GCGR: variants seen among roughly 807,000 people sequenced by gnomAD.
GCGR encodes glucagon receptor.
Under a neutral mutation model 56.1 loss-of-function variants are expected in GCGR, and 41 were observed. The observed-to-expected ratio is 0.73, with a 90% CI of 0.57 to 0.95. The LOEUF is 0.95. Ranked by LOEUF, GCGR falls within the 40% of genes least tolerant of loss-of-function variation. GCGR has a pLI of 0.00. For synonymous variants in GCGR, 278 were observed against 271.1 expected, an observed-to-expected ratio of 1.03 and a Z score of -0.25; for missense variants, 595 against 638.2, an observed-to-expected ratio of 0.93 and a Z score of 0.73.
At chr17:81,809,722 CCTGT>C (rs1241277237) in intron 2 of GCGR, 56 bp from the exon 3 acceptor site, 176 of 1,328,398 alleles carry the variant, frequency 1.3e-4, no homozygotes, top group African/African-American at 1.2e-3. Context: ...TGTCTGTCTG[CCTGT>C]CTGTCTGCCT....
rs1386399028 is a variant in GCGR at position 81,811,158 on chromosome 17, G to A, written c.393+27G>A. ...TCAGTGGGCGGCAGGCAGGCGCGGTGGGGCTGGATGGGAACGGGCATGGGG... is the reference window on the plus strand; with the variant it reads ...TCAGTGGGCGGCAGGCAGGCGCGGTAGGGCTGGATGGGAACGGGCATGGGG... On this transcript the variant is annotated intron_variant, in intron 5 of 13. Transcript: ENST00000400723. This position sits in a 1 kb window ranked among gnomAD's most constrained non-coding sequence, Gnocchi z 5.8. The A allele has an allele frequency of 5.2e-6, 8 of 1,535,986 alleles. No individual in the cohort carries two copies. Among genetic ancestry groups the A allele is most frequent in the Non-Finnish European group, 6.1e-6 (7 of 1,146,788 alleles).
rs1201347339 is a variant in GCGR at position 81,804,841 on chromosome 17, C to T, written c.-178+592C>T. 1.3e-5 allele frequency among the ~76,000 whole-genome samples: 2 copies of T among 152,160 alleles called. No homozygotes were observed. The highest frequency in any genetic ancestry group is 4.8e-5 in the African/African-American group (2 of 41,448). On this transcript the variant is annotated intron_variant, in intron 1 of 13. Coordinates refer to ENST00000400723, the MANE Select transcript of GCGR (RefSeq NM_000160.5). This position sits in a 1 kb window ranked among gnomAD's most constrained non-coding sequence, Gnocchi z 8.2. ...CCCGGCTCCGGCCCCCCCGGCGCCC[C>T]ACCACCCGGCCGACTCGGCCACCGG...
Position 81,813,581 on chromosome 17 carries a change from C to T in GCGR, c.1326C>T (p.Gly442=), listed in dbSNP as rs577064153. The T allele has an allele frequency of 2.0e-6, 3 of 1,536,388 alleles. No individual in the cohort carries two copies. The highest frequency in any genetic ancestry group is 2.6e-6 in the Non-Finnish European group (3 of 1,146,856). Residue 442 remains glycine (G), a synonymous_variant, in exon 14 of 14, where the codon GGC becomes GGT. Transcript: ENST00000400723. The surrounding 1 kb of genome is among the most constrained non-coding windows in gnomAD (Gnocchi z 5.3). ...NHRASSSPGH[G]PPSKELQFGR... is the part of the protein sequence containing the mutation. ...GGGCCTCATCTTCGCCCGGCCACGG[C>T]CCTCCCAGCAAGGAGCTGCAGTTTG... is the stretch of plus-strand genomic sequence containing the variant.
In GCGR at chr17:81,804,218, G is replaced by A. The variant is rs950261107; in HGVS notation, c.-209G>A. The A allele has an allele frequency of 3.3e-5, 5 of 151,328 alleles. No individual in the cohort carries two copies. Among genetic ancestry groups the A allele is most frequent in the African/African-American group, 1.2e-4 (5 of 41,296 alleles). The allele number at this position is 151,328 out of a possible 1,614,324, so 9.4% of individuals were successfully genotyped here. On this transcript the variant is annotated 5_prime_UTR_variant, in exon 1 of 14. Coordinates refer to ENST00000400723, the MANE Select transcript of GCGR (RefSeq NM_000160.5). This position sits in a 1 kb window ranked among gnomAD's most constrained non-coding sequence, Gnocchi z 8.2. ...CCGAGCGCGCCCAGAGGACGGCGGG[G>A]AGCCAAGCCGACCCCCGAGCAGCGC...
chr17:81,809,163 C>CCTGCCTGT (rs1364744436), intron 2 of GCGR, 85 bp downstream of exon 2: 2 of 1,269,492 alleles, frequency 1.6e-6, no homozygotes, highest in Middle Eastern at 2.2e-4. Flanking sequence ...TGCCTGCCTG[C>CCTGCCTGT]CTGCCTGTCT....
Position 81,812,181 on chromosome 17 carries a change from A to G in GCGR, c.879-2A>G, listed in dbSNP as rs763839392. ...CAGTATGTGAGTGGCCTGGCCTCGC[A>G]GGTGCTGGACCAGCAATGACAACAT... On this transcript the variant is annotated splice_acceptor_variant, in intron 9 of 13. Coordinates refer to ENST00000400723, the MANE Select transcript of GCGR (RefSeq NM_000160.5). LOFTEE classifies it high-confidence loss of function. This position sits in a 1 kb window ranked among gnomAD's most constrained non-coding sequence, Gnocchi z 8.5. The G allele has an allele frequency of 1.3e-6, 2 of 1,536,154 alleles. No homozygotes were observed. Among genetic ancestry groups the G allele is most frequent in the South Asian group, 2.4e-5 (2 of 84,038 alleles).
chr17:81,810,106 A>T lies in GCGR; in HGVS notation c.163+222A>T, dbSNP rs1229030714. The T allele has an allele frequency of 1.6e-6, 1 of 611,376 alleles. No individual in the cohort carries two copies. The highest frequency in any genetic ancestry group is 3.0e-6 in the Non-Finnish European group (1 of 334,790). 37.9% of individuals were successfully genotyped at this position (611,376 alleles called of 1,614,324 possible). A position where few individuals can be genotyped will look rare whatever the true frequency, so the allele number is the denominator to read the frequency against. On this transcript the variant is annotated intron_variant, in intron 3 of 13. Coordinates refer to ENST00000400723, the MANE Select transcript of GCGR (RefSeq NM_000160.5). This position sits in a 1 kb window ranked among gnomAD's most constrained non-coding sequence, Gnocchi z 4.6. ...GGCCGCAGAGCCAGGAAATAACAGA[A>T]CGGTGGCATTGCCCCAGAACCGGCT...
chr17:81,808,438 G>C (rs376533600), intron 1 of GCGR, among the ~76,000 whole-genome samples: 1 of 151,730 alleles, frequency 6.6e-6, no homozygotes, highest in Non-Finnish European at 1.5e-5. Context: ...GGGGCTCTGC[G>C]ACCCTCAGAG....
At chr17:81,807,183 G>A (rs913621939) in intron 1 of GCGR, among the ~76,000 whole-genome samples, 7 of 152,270 alleles carry the variant, frequency 4.6e-5, no homozygotes, top group South Asian at 4.1e-4. Context: ...CCCGCCTGCC[G>A]CTGTCTCCGC....
At position 81,813,386 on chromosome 17, in the gene GCGR, G is replaced by C; in HGVS notation, c.1219-88G>C. 4 of 1,239,216 alleles carry C rather than the reference G, an allele frequency of 3.2e-6. No individual in the cohort carries two copies. Among genetic ancestry groups the C allele is most frequent in the Non-Finnish European group, 4.5e-6 (4 of 891,888 alleles). 76.8% of individuals were successfully genotyped at this position (1,239,216 alleles called of 1,614,324 possible). A position where few individuals can be genotyped will look rare whatever the true frequency, so the allele number is the denominator to read the frequency against. ...CTGCACCCCTCAGAGCGGAGACTGG[G>C]CATCTCCGATGAGGCCCACAGCAGG... On this transcript the variant is annotated intron_variant, in intron 13 of 13. Coordinates refer to ENST00000400723, the MANE Select transcript of GCGR (RefSeq NM_000160.5). This position sits in a 1 kb window ranked among gnomAD's most constrained non-coding sequence, Gnocchi z 5.3.
intron 2 of GCGR, among the ~76,000 whole-genome samples, chr17:81,809,430 TCTGCCTGTCCGTCTGC>T (rs2038037872): frequency 7.2e-6 from 1 of 138,680 alleles, no homozygotes; most frequent in South Asian, 2.5e-4. Context: ...TGCCTGTCCG[TCTGCCTGTCCGTCTGC>T]CTGCCTGCCT....
intron 2 of GCGR, 101 bp downstream of exon 2, chr17:81,809,179 C>CCTGTCTGTCTGT (rs567365898): frequency 3.6e-6 from 5 of 1,382,352 alleles, no homozygotes; most frequent in African/African-American, 1.4e-5. Flanking sequence ...TGTCTGCCTG[C>CCTGTCTGTCTGT]CTGTCTGTCT....
chr17:81,809,703 C>G, intron 2 of GCGR, 79 bp from the exon 3 acceptor site: 1 of 1,115,564 alleles, frequency 9.0e-7, no homozygotes, highest in South Asian at 1.4e-5. Context: ...ACCTGCCTGC[C>G]TGTCTGCCTG....
At position 81,813,946 on chromosome 17, in the gene GCGR, C is replaced by A. The variant is rs955995848; in HGVS notation, c.*257C>A. The A allele has an allele frequency of 3.7e-6, 2 of 544,142 alleles. No homozygotes were observed. Among genetic ancestry groups the A allele is most frequent in the Non-Finnish European group, 6.6e-6 (2 of 303,604 alleles). 33.7% of individuals were successfully genotyped at this position (544,142 alleles called of 1,614,324 possible). Reference sequence around the variant, plus strand: ...CGTGAACTGCGTGCCAGTGTCCCCACGTATGTCGGCACGTCCCATGTGCAT... The same window carrying A: ...CGTGAACTGCGTGCCAGTGTCCCCAAGTATGTCGGCACGTCCCATGTGCAT... On this transcript the variant is annotated 3_prime_UTR_variant, in exon 14 of 14. Coordinates refer to ENST00000400723, the MANE Select transcript of GCGR (RefSeq NM_000160.5). The surrounding 1 kb of genome is among the most constrained non-coding windows in gnomAD (Gnocchi z 5.3).
At chr17:81,809,319 T>TCCATCTGCCTATCCATCTGC (rs2038031491) in intron 2 of GCGR, among the ~76,000 whole-genome samples, 1 of 125,336 alleles carries the variant, frequency 8.0e-6, no homozygotes, top group Admixed American at 8.2e-5. Flanking sequence ...TGTCCATCTG[T>TCCATCTGCCTATCCATCTGC]CCATCTGCCT....
intron 1 of GCGR, among the ~76,000 whole-genome samples, chr17:81,807,162 C>G (rs2037981728): frequency 6.6e-6 from 1 of 152,202 alleles, no homozygotes; most frequent in East Asian, 1.9e-4. Context: ...AAAACTGCCC[C>G]TCCTCCCCCA....
Position 81,813,369 on chromosome 17 carries a change from C to G in GCGR, c.1219-105C>G, listed in dbSNP as rs1276541979. 1.8e-6 allele frequency: 2 copies of G among 1,125,098 alleles called. No homozygotes were observed. The highest frequency in any genetic ancestry group is 2.2e-5 in the Admixed American group (1 of 45,234). 69.7% of individuals were successfully genotyped at this position (1,125,098 alleles called of 1,614,324 possible). A position where few individuals can be genotyped will look rare whatever the true frequency, so the allele number is the denominator to read the frequency against. On this transcript the variant is annotated intron_variant, in intron 13 of 13. Transcript: ENST00000400723. This position sits in a 1 kb window ranked among gnomAD's most constrained non-coding sequence, Gnocchi z 5.3. ...AGGGAGCTTGTGTCGCTCTGCACCC[C>G]TCAGAGCGGAGACTGGGCATCTCCG...
rs961085424 is a variant in GCGR, at chr17:81,806,582, C to T, written c.-177-2260C>T. Among the ~76,000 whole-genome samples the T allele has an allele frequency of 1.3e-5, 2 of 152,218 alleles. No homozygotes were observed. ...GCCCGGCTGGAAGGTGGGGCCCTGG[C>T]ACGCGAGGACCTCATGTGTGGAGGC... is the stretch of plus-strand genomic sequence containing the variant. On this transcript the variant is annotated intron_variant, in intron 1 of 13. Transcript: ENST00000400723. This position sits in a 1 kb window ranked among gnomAD's most constrained non-coding sequence, Gnocchi z 6.5.
chr17:81,809,025 C>T lies in GCGR; in HGVS notation c.7C>T (p.Pro3Ser), dbSNP rs746335439. The T allele has an allele frequency of 1.3e-6, 2 of 1,536,072 alleles. No homozygotes were observed. Among genetic ancestry groups the T allele is most frequent in the East Asian group, 4.9e-5 (2 of 40,916 alleles). MP[P>S]CQPQRPLLLL... ...CAGCTAGCTGCCCAGAGGCATGCCCCCCTGCCAGCCACAGCGACCCCTGCT... is the reference window on the plus strand; with the variant it reads ...CAGCTAGCTGCCCAGAGGCATGCCCTCCTGCCAGCCACAGCGACCCCTGCT... The change falls in exon 2 of 14, where the codon CCC (proline) becomes TCC (serine). Residue 3 changes from proline (P) to serine (S), a missense_variant. By Grantham distance (74) the Pro-to-Ser change is moderately conservative. Coordinates refer to ENST00000400723, the MANE Select transcript of GCGR (RefSeq NM_000160.5).
Sources: gnomAD v4.1 joint callset for allele counts (sites outside exome capture counted in the v4.1 genomes callset) on GRCh38, gnomAD v4.1.1 for gene constraint, Gnocchi (gnomAD v3.1) non-coding constraint, MANE v1.5 for transcripts, NCBI Gene and HGNC (gene_info 2026-07-23, HGNC 2026-07-21) for gene names.